CUBN: variants seen among roughly 807,000 people sequenced by gnomAD.
The protein encoded by CUBN is 460 kDa receptor.
CUBN carries 282 observed loss-of-function variants against 405.3 expected under a neutral mutation model. That is an observed-to-expected ratio of 0.70 (90% CI 0.63 to 0.77). The LOEUF is 0.77. CUBN is among the 30% of genes least tolerant of loss of function. The pLI, the probability that CUBN is intolerant of heterozygous loss-of-function variation, is 0.00. For synonymous variants in CUBN, 1,684 were observed against 1,617.0 expected, an observed-to-expected ratio of 1.04 and a Z score of -0.99; for missense variants, 4,514 against 4,475.2, an observed-to-expected ratio of 1.01 and a Z score of -0.25.
In CUBN at chr10:16,824,053, C is replaced by T. The variant is rs528007944; in HGVS notation, c.*922G>A. ...TATATTATCATTAACTTTTGTTGTTCTTGTTGTCATTTTTGAGATAGGGTC... is the reference window on the plus strand; with the variant it reads ...TATATTATCATTAACTTTTGTTGTTTTTGTTGTCATTTTTGAGATAGGGTC... On this transcript the variant is annotated 3_prime_UTR_variant, in exon 67 of 67. Coordinates refer to ENST00000377833, the MANE Select transcript of CUBN (RefSeq NM_001081.4). 6.6e-6 allele frequency: 1 copy of T among 152,124 alleles called. No homozygotes were observed. The highest frequency in any genetic ancestry group is 2.1e-4 in the South Asian group (1 of 4,820). 9.4% of individuals were successfully genotyped at this position (152,124 alleles called of 1,614,324 possible).
chr10:17,089,938 C>A lies in CUBN; in HGVS notation c.1766-1593G>T, dbSNP rs541094830. 2.0e-5 allele frequency among the ~76,000 whole-genome samples: 3 copies of A among 152,016 alleles called. No homozygotes were observed. In the East Asian group the frequency reaches 5.8e-4, roughly 30 times the overall value. On this transcript the variant is annotated intron_variant, in intron 14 of 66. Coordinates refer to ENST00000377833, the MANE Select transcript of CUBN (RefSeq NM_001081.4). The stretch of plus-strand genomic sequence containing the variant: ...CCAGTTTAAGAACGGCCTGGGCAGC[C>A]ATCGCTACAAAAAATAAAAAAATAA...
At chr10:16,963,196 C>CTTTTTTTTTTT (rs200023246) in intron 31 of CUBN, among the ~76,000 whole-genome samples, 14 of 84,034 alleles carry the variant, frequency 1.7e-4, no homozygotes, top group Admixed American at 5.4e-4. Context: ...TCTTTTTTTT[C>CTTTTTTTTTTT]TTTTTTTTTT....
intron 41 of CUBN, among the ~76,000 whole-genome samples, chr10:16,926,285 T>C (rs1801589983): frequency 6.6e-6 from 1 of 152,146 alleles, no homozygotes. Flanking sequence ...AGGTACATCA[T>C]GGAAGTCAGA....
chr10:16,869,508 G>A (rs1203549747), intron 59 of CUBN, 128 bp downstream of exon 59: 9 of 771,850 alleles, frequency 1.2e-5, no homozygotes, highest in Non-Finnish European at 2.0e-5. Flanking sequence ...GCCCTTACAT[G>A]GCATATTCTT....
Position 17,104,402 on chromosome 10 carries a change from A to G in CUBN, c.1417+17T>C, listed in dbSNP as rs750916320. On this transcript the variant is annotated intron_variant, in intron 12 of 66. Transcript: ENST00000377833. ...CTATGCTGTGAGCATCCGTGGCATAAGAAATGCTGACTGTACCTTGCTGAG... is the reference window on the plus strand; with the variant it reads ...CTATGCTGTGAGCATCCGTGGCATAGGAAATGCTGACTGTACCTTGCTGAG... 11 of 1,613,370 alleles carry G rather than the reference A, an allele frequency of 6.8e-6. No homozygotes were observed. Among genetic ancestry groups the G allele is most frequent in the Non-Finnish European group, 2.5e-6 (3 of 1,179,452 alleles).
Position 17,126,715 on chromosome 10 carries a change from T to C in CUBN, c.387+46A>G, listed in dbSNP as rs371419979. ...ATAGCAGCTCTATTAATGATTCTAG[T>C]ATGTTTTCTGTGAAAGATTTGGGTA... On this transcript the variant is annotated intron_variant, in intron 4 of 66. Transcript: ENST00000377833. 116 of 1,585,830 alleles carry C rather than the reference T, an allele frequency of 7.3e-5. No homozygotes were observed. In the Middle Eastern group the frequency reaches 1.7e-3, roughly 23 times the overall value.
intron 17 of CUBN, among the ~76,000 whole-genome samples, chr10:17,078,941 T>C (rs896263041): frequency 6.6e-6 from 1 of 152,206 alleles, no homozygotes; most frequent in Non-Finnish European, 1.5e-5. Context: ...GGTTTGCAGC[T>C]TCTACATGAG....
intron 27 of CUBN, among the ~76,000 whole-genome samples, chr10:17,033,916 A>G (rs539323045): frequency 6.6e-6 from 1 of 152,226 alleles, no homozygotes; most frequent in Non-Finnish European, 1.5e-5. Context: ...GGCTGTAGAC[A>G]TGGAGAATAT....
chr10:16,842,374 G>C (rs780831), intron 60 of CUBN, among the ~76,000 whole-genome samples: 87,591 of 152,090 alleles, frequency 0.58, 29,554 homozygotes, highest in Non-Finnish European at 0.74. Flanking sequence ...CTGCACGTGA[G>C]AGGCTCTCAA....
chr10:17,101,366 A>G (rs938404697), intron 13 of CUBN, among the ~76,000 whole-genome samples: 3 of 152,174 alleles, frequency 2.0e-5, no homozygotes, highest in African/African-American at 7.2e-5. Flanking sequence ...GAATGTTTTC[A>G]ATGCCAGGAA....
chr10:17,108,610 C>G (rs1325986304), intron 10 of CUBN, among the ~76,000 whole-genome samples: 1 of 151,766 alleles, frequency 6.6e-6, no homozygotes, highest in Non-Finnish European at 1.5e-5. Context: ...AAATATCTTA[C>G]CATAAAAAAA....
At chr10:17,076,281 T>C (rs2131853967) in intron 17 of CUBN, among the ~76,000 whole-genome samples, 1 of 152,220 alleles carries the variant, frequency 6.6e-6, no homozygotes, top group African/African-American at 2.4e-5. Context: ...TCTGTTTCTC[T>C]CTCTCTCTGT....
In CUBN at chr10:16,965,914, C is replaced by T. The variant is rs111432343; in HGVS notation, c.4696-11366G>A. 3.0e-3 allele frequency: 1,390 copies of T among 467,828 alleles called. 21 individuals are homozygous for T. The highest frequency in any genetic ancestry group is 0.025 in the African/African-American group (1,250 of 49,980). The allele number at this position is 467,828 out of a possible 1,614,324, so 29.0% of individuals were successfully genotyped here. A position where few individuals can be genotyped will look rare whatever the true frequency, so the allele number is the denominator to read the frequency against. On this transcript the variant is annotated intron_variant, in intron 31 of 66. Transcript: ENST00000377833. ...CATACATGACTTGCCCAATCACACG[C>T]TTAGCAGTGCAGAGCCAATATACAA...
At chr10:17,057,837 G>A (rs1835426815) in intron 22 of CUBN, among the ~76,000 whole-genome samples, 1 of 151,968 alleles carries the variant, frequency 6.6e-6, no homozygotes, top group African/African-American at 2.4e-5. Context: ...AATGAAAGAA[G>A]CCAAGCCGGG....
At chr10:17,127,269 T>G (rs7910242) in intron 3 of CUBN, among the ~76,000 whole-genome samples, 1 of 112,582 alleles carries the variant, frequency 8.9e-6, no homozygotes, top group Non-Finnish European at 1.9e-5. Flanking sequence ...TCTTTCTTTT[T>G]TTTTTTTTTT....
rs1475431760 is a variant in CUBN at position 17,071,845 on chromosome 10, T to C, written c.2428A>G (p.Arg810Gly). ...IDASVEKASF[R>G]AVYQVACGDE... ...TCCTTACCGACTTGATAAACAGCTC[T>C]GAAACTAGCTTTTTCAACAGAAGCA... The change falls in exon 18 of 67, where the codon AGA becomes GGA. Residue 810 changes from arginine to glycine, a missense_variant. Arg to Gly is a moderately radical substitution (Grantham distance 125). Coordinates refer to ENST00000377833, the MANE Select transcript of CUBN (RefSeq NM_001081.4). 4 of 1,612,730 alleles carry C rather than the reference T, an allele frequency of 2.5e-6. No individual in the cohort carries two copies. Among genetic ancestry groups the C allele is most frequent in the Middle Eastern group, 3.8e-4 (2 of 5,332 alleles).
In CUBN at chr10:16,947,736, C is replaced by A. The variant is rs1313302505; in HGVS notation, c.5210-369G>T. 3.3e-5 allele frequency among the ~76,000 whole-genome samples: 5 copies of A among 152,350 alleles called. No homozygotes were observed. In the Middle Eastern group the frequency reaches 0.01, roughly 311 times the overall value. On this transcript the variant is annotated intron_variant, in intron 35 of 66. Coordinates refer to ENST00000377833, the MANE Select transcript of CUBN (RefSeq NM_001081.4). ...AACGCAGCATGCTTGCTTTCCCTCT[C>A]AGTAGAGCACCGAAATGCACACACC...
In CUBN at chr10:16,872,349, C is replaced by CATATATATAT. The variant is rs138781700; in HGVS notation, c.9236+2015_9236+2024dup. ...AAAATACATTTAGATTGTATACATACATATATATATAGATAGATAGACAGA... is the reference window on the plus strand; with the variant it reads ...AAAATACATTTAGATTGTATACATACATATATATATATATATATATAGATAGATAGACAGA... On this transcript the variant is annotated intron_variant, in intron 58 of 66. Coordinates refer to ENST00000377833, the MANE Select transcript of CUBN (RefSeq NM_001081.4). 7.2e-3 allele frequency among the ~76,000 whole-genome samples: 1,073 copies of CATATATATAT among 149,016 alleles called. 3 individuals carry two copies. Among genetic ancestry groups the CATATATATAT allele is most frequent in the South Asian group, 0.016 (78 of 4,754 alleles).
Position 17,068,690 on chromosome 10 carries a change from C to G in CUBN, c.2706G>C (p.Val902=). 2 of 1,612,198 alleles carry G rather than the reference C, an allele frequency of 1.2e-6. No individual in the cohort carries two copies. Among genetic ancestry groups the G allele is most frequent in the Non-Finnish European group, 1.7e-6 (2 of 1,178,596 alleles). ...GTDIPSFITS[V]YNFLYVTFVK... ...CGAATGTGACATAAAGAAAATTGTACACAGATGTTATAAATGAAGGTATGT... is the reference window on the plus strand; with the variant it reads ...CGAATGTGACATAAAGAAAATTGTAGACAGATGTTATAAATGAAGGTATGT... Residue 902 remains valine (V), a synonymous_variant, in exon 20 of 67, where the codon GTG becomes GTC. Coordinates refer to ENST00000377833, the MANE Select transcript of CUBN (RefSeq NM_001081.4).
Sources: gnomAD v4.1 joint callset for allele counts (sites outside exome capture counted in the v4.1 genomes callset) on GRCh38, gnomAD v4.1.1 for gene constraint, MANE v1.5 for transcripts, NCBI Gene and HGNC (gene_info 2026-07-23, HGNC 2026-07-21) for gene names.